ANKFN1: variants seen among roughly 807,000 people sequenced by gnomAD.
ANKFN1 encodes ankyrin repeat and fibronectin type-III domain-containing protein 1.
In ANKFN1, 74 loss-of-function variants were observed where a neutral mutation model predicts 108.7. That is an observed-to-expected ratio of 0.68 (90% CI 0.56 to 0.83). ANKFN1 has a LOEUF of 0.83. Ranked by LOEUF, ANKFN1 falls within the 40% of genes least tolerant of loss-of-function variation. The pLI, the probability that ANKFN1 is intolerant of heterozygous loss-of-function variation, is 0.00. For missense variants in ANKFN1, 1,505 were observed against 1,382.3 expected (o/e 1.09, Z -1.41); for synonymous variants, 547 against 516.2 (o/e 1.06, Z -0.81).
At chr17:56,301,109 T>C (rs542379900) in intron 3 of ANKFN1, among the ~76,000 whole-genome samples, 1 of 152,320 alleles carries the variant, frequency 6.6e-6, no homozygotes, top group African/African-American at 2.4e-5. Flanking sequence ...GTTAGTGAGT[T>C]TCCTGTCACT....
chr17:56,243,390 G>A (rs1917728789), intron 3 of ANKFN1, among the ~76,000 whole-genome samples: 1 of 152,086 alleles, frequency 6.6e-6, no homozygotes, highest in South Asian at 2.1e-4. Context: ...CAAGAGCCAA[G>A]CCTCCAAGCT....
chr17:56,156,161 C>T (rs1318801596), intron 1 of ANKFN1, among the ~76,000 whole-genome samples: 1 of 151,580 alleles, frequency 6.6e-6, no homozygotes, highest in African/African-American at 2.4e-5. Context: ...CTCACTACAA[C>T]CTCCACCTCC....
chr17:56,300,589 TG>T (rs1259124089), intron 3 of ANKFN1, among the ~76,000 whole-genome samples: 17 of 143,902 alleles, frequency 1.2e-4, no homozygotes, highest in East Asian at 3.9e-4. Flanking sequence ...CACAGGAAAT[TG>T]TTTTTTTTTT....
chr17:56,484,591 G>C (rs548002196), intron 18 of ANKFN1, among the ~76,000 whole-genome samples: 4 of 152,260 alleles, frequency 2.6e-5, no homozygotes, highest in African/African-American at 9.6e-5. Context: ...GACTGAAGGT[G>C]CTAAGTCAAC....
At chr17:56,248,316 A>G (rs562369225) in intron 3 of ANKFN1, among the ~76,000 whole-genome samples, 5 of 151,968 alleles carry the variant, frequency 3.3e-5, no homozygotes, top group African/African-American at 9.6e-5. Context: ...GAGGTAATAG[A>G]CCTCTTCTCT....
At chr17:56,187,860 C>T (rs978777184) in intron 1 of ANKFN1, among the ~76,000 whole-genome samples, 4 of 151,990 alleles carry the variant, frequency 2.6e-5, no homozygotes, top group Admixed American at 2.6e-4. Flanking sequence ...CATGTTCTCA[C>T]CCATAGGTGG....
At chr17:56,076,994 T>G (rs1905189474) in intron 4 of ANKFN1, among the ~76,000 whole-genome samples, 1 of 152,196 alleles carries the variant, frequency 6.6e-6, no homozygotes, top group Non-Finnish European at 1.5e-5. Context: ...AGATTTTATA[T>G]TCTTATGGTA....
chr17:56,237,673 T>C (rs1432441583), intron 3 of ANKFN1, among the ~76,000 whole-genome samples: 1 of 152,176 alleles, frequency 6.6e-6, no homozygotes, highest in Admixed American at 6.5e-5. Flanking sequence ...CTTCTCTCTT[T>C]TCTTCTTCAT....
chr17:56,477,571 G>A lies in ANKFN1; in HGVS notation c.1857G>A (p.Val619=), dbSNP rs2050548013. The A allele has an allele frequency of 2.5e-6, 4 of 1,613,228 alleles. No homozygotes were observed. Among genetic ancestry groups the A allele is most frequent in the Non-Finnish European group, 3.4e-6 (4 of 1,179,722 alleles). Residue 619 remains valine (V), a synonymous_variant, in exon 16 of 21, where the codon GTG becomes GTA. Transcript: ENST00000682825. ...GTTACCTAAAGCTCTGTAGCTCTGT[G>A]GATCAAATCAAAGTTCTTGTTACCC... ...YLGYLKLCSS[V]DQIKVLVTQK...
At chr17:56,369,084 C>G (rs1318478828) in intron 6 of ANKFN1, among the ~76,000 whole-genome samples, 1 of 152,184 alleles carries the variant, frequency 6.6e-6, no homozygotes, top group Non-Finnish European at 1.5e-5. Context: ...GACCATACAC[C>G]ATCTCCAGCT....
rs887537061 is a variant in ANKFN1 at position 56,498,933 on chromosome 17, T to C, written c.2479T>C (p.Tyr827His). 2.6e-6 allele frequency: 4 copies of C among 1,535,546 alleles called. No homozygotes were observed. In the African/African-American group the frequency reaches 4.1e-5, roughly 16 times the overall value. The change falls in exon 20 of 21, where the codon TAT (tyrosine) becomes CAT (histidine). Residue 827 changes from tyrosine to histidine, a missense_variant. Coordinates refer to ENST00000682825, the MANE Select transcript of ANKFN1 (RefSeq NM_001370326.1). ...GAGATGGATCATGGATGCTCTACAG[T>C]ATGCAAGATACAAACAACCAGTTTC... ...EMRWIMDALQYARYKQPVSGL... is the reference protein window; with the variant it reads ...EMRWIMDALQHARYKQPVSGL...
intron 4 of ANKFN1, among the ~76,000 whole-genome samples, chr17:56,094,464 GT>G (rs1905479471): frequency 1.1e-5 from 1 of 90,534 alleles, no homozygotes. Flanking sequence ...TCAGTTCTCA[GT>G]TGTTTCTTCT....
At chr17:56,152,681 T>C (rs1908732420), upstream of ANKFN1, among the ~76,000 whole-genome samples, 1 of 151,892 alleles carries the variant, frequency 6.6e-6, no homozygotes, top group Non-Finnish European at 1.5e-5. Context: ...AAATGTTTTA[T>C]TGAACATCTA....
intron 8 of ANKFN1, among the ~76,000 whole-genome samples, chr17:56,377,259 C>G (rs1171601446): frequency 6.6e-6 from 1 of 152,186 alleles, no homozygotes; most frequent in Non-Finnish European, 1.5e-5. Context: ...TTTGTTTACA[C>G]TCAACCCATC....
At chr17:56,316,654 AC>A (rs1485518814) in intron 3 of ANKFN1, among the ~76,000 whole-genome samples, 1 of 151,904 alleles carries the variant, frequency 6.6e-6, no homozygotes, top group African/African-American at 2.4e-5. Context: ...TTGACAAAAA[AC>A]AAAAAAATCT....
At chr17:56,497,334 G>C in intron 19 of ANKFN1, among the ~76,000 whole-genome samples, 1 of 152,136 alleles carries the variant, frequency 6.6e-6, no homozygotes. Flanking sequence ...AAAGCCTGAA[G>C]CTCAATCTCA....
chr17:56,071,002 G>A (rs1905115453), intron 4 of ANKFN1, among the ~76,000 whole-genome samples: 1 of 152,082 alleles, frequency 6.6e-6, no homozygotes, highest in African/African-American at 2.4e-5. Context: ...CCAAAGTGCT[G>A]GGATTACAGG....
intron 1 of ANKFN1, among the ~76,000 whole-genome samples, chr17:56,198,350 G>T (rs1913711797): frequency 6.6e-6 from 1 of 152,174 alleles, no homozygotes; most frequent in Admixed American, 6.5e-5. Flanking sequence ...TCTCTCACAT[G>T]CACTGTTCAC....
At chr17:56,159,185 C>A (rs1331003823) in intron 1 of ANKFN1, among the ~76,000 whole-genome samples, 1 of 152,120 alleles carries the variant, frequency 6.6e-6, no homozygotes, top group African/African-American at 2.4e-5. Context: ...GAATGAAAGT[C>A]ATCATTCTGC....
Sources: gnomAD v4.1 joint callset for allele counts (sites outside exome capture counted in the v4.1 genomes callset) on GRCh38, gnomAD v4.1.1 for gene constraint, MANE v1.5 for transcripts, NCBI Gene and HGNC (gene_info 2026-07-23, HGNC 2026-07-21) for gene names.